CSMD1: variants seen among roughly 807,000 people sequenced by gnomAD.
CSMD1 encodes CUB and sushi domain-containing protein 1.
Under a neutral mutation model 417.5 loss-of-function variants are expected in CSMD1, and 213 were observed. That is an observed-to-expected ratio of 0.51 (90% CI 0.46 to 0.57). The LOEUF is 0.57. CSMD1 is among the 20% of genes least tolerant of loss of function. The pLI is 0.00. For synonymous variants in CSMD1, 2,862 were observed against 1,736.8 expected (o/e 1.65, Z -16.11); for missense variants, 6,923 against 4,529.7 (o/e 1.53, Z -15.17).
Position 4,822,138 on chromosome 8 carries a change from A to C in CSMD1, c.85+172194T>G, listed in dbSNP as rs181073021. ...TTCCTATCTTCCCTTTTTGAAAGTT[A>C]AATGTTATAAGCCTCTGAATTTACT... On this transcript the variant is annotated intron_variant, in intron 1 of 69. Transcript: ENST00000635120. Among the ~76,000 whole-genome samples the C allele has an allele frequency of 3.7e-3, 563 of 152,218 alleles. 7 individuals carry two copies. The highest frequency in any genetic ancestry group is 0.013 in the African/African-American group (545 of 41,548).
At chr8:4,673,419 A>G (rs888433962) in intron 1 of CSMD1, among the ~76,000 whole-genome samples, 26 of 152,300 alleles carry the variant, frequency 1.7e-4, no homozygotes, top group South Asian at 8.3e-4. Flanking sequence ...CCTCCTTTCC[A>G]ACCTAGGGCC....
chr8:3,017,883 A>T (rs861669), intron 52 of CSMD1, among the ~76,000 whole-genome samples: 1 of 150,714 alleles, frequency 6.6e-6, no homozygotes, highest in Middle Eastern at 3.4e-3. Context: ...CAAGTAAGGT[A>T]TTTTACAAAT....
chr8:3,639,856 G>C (rs931207918), intron 7 of CSMD1, among the ~76,000 whole-genome samples: 2 of 152,056 alleles, frequency 1.3e-5, no homozygotes, highest in African/African-American at 4.8e-5. Flanking sequence ...TATTTTATCA[G>C]CTGGAAAAAT....
At chr8:4,026,037 G>C (rs78116601) in intron 4 of CSMD1, among the ~76,000 whole-genome samples, 3 of 150,826 alleles carry the variant, frequency 2.0e-5, no homozygotes, top group African/African-American at 4.9e-5. Flanking sequence ...TCTTCAACCA[G>C]TTCCTGCAAA....
intron 33 of CSMD1, among the ~76,000 whole-genome samples, chr8:3,192,435 A>G (rs1179247928): frequency 2.6e-5 from 4 of 152,206 alleles, no homozygotes; most frequent in Admixed American, 2.0e-4. Context: ...ATAGTCTGAT[A>G]CACCTTCTAC....
chr8:4,061,475 G>A (rs1370359877), intron 3 of CSMD1, among the ~76,000 whole-genome samples: 1 of 152,166 alleles, frequency 6.6e-6, no homozygotes, highest in African/African-American at 2.4e-5. Context: ...CCAAAGAGGT[G>A]GCAAAAGGAG....
chr8:4,691,851 T>C (rs974679468), intron 1 of CSMD1, among the ~76,000 whole-genome samples: 3 of 152,240 alleles, frequency 2.0e-5, no homozygotes, highest in Admixed American at 6.5e-5. Context: ...GGCCAGTGTT[T>C]TCACACTTCT....
chr8:3,832,442 C>T (rs185382489), intron 5 of CSMD1, among the ~76,000 whole-genome samples: 100 of 152,156 alleles, frequency 6.6e-4, no homozygotes, highest in African/African-American at 2.2e-3. Flanking sequence ...AATTATAAAG[C>T]GATTATGTAA....
intron 50 of CSMD1, among the ~76,000 whole-genome samples, chr8:3,039,293 A>C (rs77358156): frequency 0.23 from 33,107 of 144,718 alleles, 3,933 homozygotes; most frequent in East Asian, 0.44. Context: ...TCTTTTCCTT[A>C]CTTCCTTCCT....
intron 3 of CSMD1, among the ~76,000 whole-genome samples, chr8:4,074,075 G>A (rs972429903): frequency 6.6e-6 from 1 of 151,976 alleles, no homozygotes; most frequent in African/African-American, 2.4e-5. Flanking sequence ...ATATGGAATA[G>A]ACAAATTTTG....
At chr8:4,031,829 A>T (rs1418035079) in intron 4 of CSMD1, 76 bp downstream of exon 4, 2 of 1,139,716 alleles carry the variant, frequency 1.8e-6, no homozygotes, top group Admixed American at 3.1e-5. Context: ...ATTTAAGTGG[A>T]AACTTTCATA....
At chr8:3,879,884 T>C (rs1039562962) in intron 5 of CSMD1, among the ~76,000 whole-genome samples, 2 of 152,048 alleles carry the variant, frequency 1.3e-5, no homozygotes, top group African/African-American at 2.4e-5. Context: ...GGTGTGGATG[T>C]TGTATTCACG....
intron 15 of CSMD1, among the ~76,000 whole-genome samples, chr8:3,402,525 A>G (rs1349681987): frequency 1.3e-5 from 2 of 152,208 alleles, no homozygotes; most frequent in South Asian, 2.1e-4. Flanking sequence ...CCCGGAGGCC[A>G]TAAAATTTAT....
intron 2 of CSMD1, among the ~76,000 whole-genome samples, chr8:4,438,174 A>G (rs996837724): frequency 6.6e-6 from 1 of 152,284 alleles, no homozygotes; most frequent in Admixed American, 6.5e-5. Context: ...CTGACTTCTT[A>G]AAAAACTCAT....
chr8:3,000,738 G>C (rs1197760615), intron 52 of CSMD1, among the ~76,000 whole-genome samples: 6 of 152,204 alleles, frequency 3.9e-5, no homozygotes, highest in African/African-American at 1.4e-4. Flanking sequence ...AGTTAGCGTG[G>C]ACTTGGGACA....
At chr8:3,921,827 T>G (rs1809290906) in intron 5 of CSMD1, among the ~76,000 whole-genome samples, 1 of 152,176 alleles carries the variant, frequency 6.6e-6, no homozygotes, top group Non-Finnish European at 1.5e-5. Context: ...GGAGAGAGTT[T>G]TGTGCAAAGC....
intron 3 of CSMD1, among the ~76,000 whole-genome samples, chr8:4,135,403 A>C (rs1714798): frequency 3.0e-5 from 4 of 132,370 alleles, no homozygotes; most frequent in African/African-American, 1.2e-4. Flanking sequence ...AAGGGGAAAG[A>C]GGGAAAGAGG....
intron 7 of CSMD1, among the ~76,000 whole-genome samples, chr8:3,617,869 T>C (rs937114501): frequency 2.6e-5 from 4 of 152,200 alleles, no homozygotes; most frequent in South Asian, 4.1e-4. Context: ...AAGGTATACA[T>C]ATAAATATAC....
chr8:2,978,736 A>G lies in CSMD1; in HGVS notation c.8442T>C (p.Pro2814=), dbSNP rs371464655. 14 of 1,613,282 alleles carry G rather than the reference A, an allele frequency of 8.7e-6. No individual in the cohort carries two copies. Among genetic ancestry groups the G allele is most frequent in the Non-Finnish European group, 1.2e-5 (14 of 1,179,608 alleles). The part of the protein sequence containing the change: ...NAIRHGQQNF[P]ESFEYGMSIL... ...TACTCATTCCATACTCAAAACTCTC[A>G]GGGAAGTTCTGTTGCCCGTGACGAA... Residue 2814 remains proline (P), a synonymous_variant, in exon 55 of 70, where the codon CCT becomes CCC. Transcript: ENST00000635120.
Sources: gnomAD v4.1 joint callset for allele counts (sites outside exome capture counted in the v4.1 genomes callset) on GRCh38, gnomAD v4.1.1 for gene constraint, MANE v1.5 for transcripts, NCBI Gene and HGNC (gene_info 2026-07-23, HGNC 2026-07-21) for gene names.